SHROOM2: variants seen among roughly 807,000 people sequenced by gnomAD.
SHROOM2 encodes the protein shroom family member 2, also known as protein Shroom2.
Under a neutral mutation model 75.9 loss-of-function variants are expected in SHROOM2, and 33 were observed. The ratio of observed to expected loss-of-function variants is 0.43; its 90% CI spans 0.33 to 0.58. The LOEUF (loss-of-function observed/expected upper bound fraction) is 0.58, where lower values mean the gene tolerates loss of function less well. SHROOM2 is among the 20% of genes least tolerant of loss of function. The pLI, the probability that SHROOM2 is intolerant of heterozygous loss-of-function variation, is 0.04. For missense variants in SHROOM2, 1,434 were observed against 1,461.2 expected, an observed-to-expected ratio of 0.98 and a Z score of 0.30; for synonymous variants, 655 against 663.6, an observed-to-expected ratio of 0.99 and a Z score of 0.20.
rs957792843 is a variant in SHROOM2 at position 9,943,902 on chromosome X, C to T, written c.4312-739C>T. The stretch of plus-strand genomic sequence containing the variant: ...AGCAATTAAAATTTTAATTGCTAGG[C>T]CAGGCCCGGTGGCTCACACCTGTAA... On this transcript the variant is annotated intron_variant, in intron 8 of 9. Transcript: ENST00000380913. Among the ~76,000 whole-genome samples the T allele has an allele frequency of 1.5e-4, 16 of 110,203 alleles. 1 individual carries two copies. Among genetic ancestry groups the T allele is most frequent in the Admixed American group, 2.9e-4 (3 of 10,357 alleles).
At chrX:9,847,304 G>A (rs1287179134) in intron 1 of SHROOM2, among the ~76,000 whole-genome samples, 2 of 112,409 alleles carry the variant, frequency 1.8e-5, no homozygotes, top group African/African-American at 6.5e-5. Flanking sequence ...GCACCAGGCC[G>A]TGCCTGACGG....
intron 1 of SHROOM2, among the ~76,000 whole-genome samples, chrX:9,817,282 CTT>C (rs55943624): frequency 2.2e-3 from 221 of 98,655 alleles, no homozygotes; most frequent in African/African-American, 5.5e-3. Context: ...CTCCCTCTAA[CTT>C]TTTTTTTTTT....
chrX:9,949,210 G>C lies in SHROOM2; in HGVS notation c.*2273G>C, dbSNP rs767292921. 1.8e-5 allele frequency: 5 copies of C among 272,480 alleles called. No individual in the cohort carries two copies. The East Asian group carries it at 5.1e-4, about 28-fold the overall frequency. The allele number at this position is 272,480 out of a possible 1,213,427, so 22.5% of individuals were successfully genotyped here. A position where few individuals can be genotyped will look rare whatever the true frequency, so the allele number is the denominator to read the frequency against. On this transcript the variant is annotated 3_prime_UTR_variant, in exon 10 of 10. Transcript: ENST00000380913. The stretch of plus-strand genomic sequence containing the variant: ...TCTGTATCTAGTTGTATTATTCATA[G>C]AAAATCAATCTGGTGCTAATGGTTG...
chrX:9,890,763 G>A (rs1281101242), intron 2 of SHROOM2, among the ~76,000 whole-genome samples: 2 of 105,590 alleles, frequency 1.9e-5, no homozygotes, highest in Non-Finnish European at 1.9e-5. Context: ...TGCACTGTTC[G>A]TTTGGCACAC....
At chrX:9,823,763 CTT>C (rs1256233985) in intron 1 of SHROOM2, among the ~76,000 whole-genome samples, 1 of 82,026 alleles carries the variant, frequency 1.2e-5, no homozygotes, top group Non-Finnish European at 2.3e-5. Flanking sequence ...TTTCTTTTTT[CTT>C]TTTTTTTTTT....
At chrX:9,893,849 G>A (rs1025102305) in intron 3 of SHROOM2, among the ~76,000 whole-genome samples, 2 of 108,933 alleles carry the variant, frequency 1.8e-5, no homozygotes, top group Non-Finnish European at 3.8e-5. Context: ...AGCTACTCGG[G>A]AGGCTGAGGC....
At chrX:9,913,257 A>G (rs1007479959) in intron 5 of SHROOM2, 10 of 112,801 alleles carry the variant, frequency 8.9e-5, no homozygotes, top group Non-Finnish European at 1.9e-4. Context: ...AAGAAAAAAA[A>G]GCGGCGAAAT....
chrX:9,890,687 G>A (rs954632804), intron 2 of SHROOM2, among the ~76,000 whole-genome samples: 45 of 107,335 alleles, frequency 4.2e-4, no homozygotes, highest in Non-Finnish European at 3.3e-4. Flanking sequence ...CGCTGCGTGC[G>A]GTCCTCGAGC....
In SHROOM2 at chrX:9,894,547, C is replaced by G. The variant is rs751111607; in HGVS notation, c.639C>G (p.Phe213Leu). The G allele has an allele frequency of 1.6e-5, 19 of 1,210,019 alleles. No homozygotes were observed. The South Asian group carries it at 3.3e-4, about 21-fold the overall frequency. ...HSKRDSAYGS[F>L]STSSSTPDHT... ...AGCGCGACTCGGCCTACGGCTCCTTCTCCACCAGCTCTAGCACTCCTGACC... is the reference window on the plus strand; with the variant it reads ...AGCGCGACTCGGCCTACGGCTCCTTGTCCACCAGCTCTAGCACTCCTGACC... The change falls in exon 4 of 10, where the codon TTC becomes TTG. Residue 213 changes from phenylalanine (F) to leucine (L), a missense_variant. Transcript: ENST00000380913.
chrX:9,901,385 T>C (rs2084364878), intron 5 of SHROOM2, among the ~76,000 whole-genome samples: 1 of 112,072 alleles, frequency 8.9e-6, no homozygotes, highest in African/African-American at 3.2e-5. Context: ...GCTTCTCCAT[T>C]CTACCTTTAT....
In SHROOM2 at chrX:9,937,573, A is replaced by C; in HGVS notation, c.4027A>C (p.Thr1343Pro). 8.3e-7 allele frequency: 1 copy of C among 1,211,528 alleles called. No homozygotes were observed. Among genetic ancestry groups the C allele is most frequent in the Non-Finnish European group, 1.1e-6 (1 of 895,338 alleles). ...GGATCCCAGTGTGAAGATCAAAACC[A>C]CTATGGACTTGATGGAAGGCATCTT... Reference protein sequence around the residue: ...ILDPSVKIKTTMDLMEGIFPK... With the variant: ...ILDPSVKIKTPMDLMEGIFPK... The change falls in exon 7 of 10, where the codon ACT (threonine) becomes CCT (proline). Residue 1343 changes from threonine (T) to proline (P), a missense_variant. Thr to Pro is a conservative substitution (Grantham distance 38, BLOSUM62 -1). Transcript: ENST00000380913.
chrX:9,863,601 A>AT (rs1464620495), intron 1 of SHROOM2, among the ~76,000 whole-genome samples: 16 of 31,684 alleles, frequency 5.0e-4, no homozygotes, highest in East Asian at 5.0e-3. Context: ...AGTGTTATTT[A>AT]TTATTTTTTT....
intron 6 of SHROOM2, among the ~76,000 whole-genome samples, chrX:9,934,436 A>G (rs1252004906): frequency 8.9e-6 from 1 of 111,930 alleles, no homozygotes; most frequent in Non-Finnish European, 1.9e-5. Flanking sequence ...GCTTTGCATC[A>G]TTTAAAATGT....
chrX:9,884,371 T>C (rs6530338), intron 2 of SHROOM2, among the ~76,000 whole-genome samples: 56 of 69,803 alleles, frequency 8.0e-4, no homozygotes, highest in South Asian at 2.0e-3. Context: ...TTCTTTTCTT[T>C]TTTTTTTTTT....
intron 6 of SHROOM2, among the ~76,000 whole-genome samples, chrX:9,934,476 T>C (rs1289519732): frequency 2.7e-5 from 3 of 111,347 alleles, no homozygotes; most frequent in South Asian, 3.8e-4. Context: ...ATCCCTTGAA[T>C]TGGTAACATT....
intron 6 of SHROOM2, 91 bp downstream of exon 6, chrX:9,932,961 C>T: frequency 1.3e-6 from 1 of 775,073 alleles, no homozygotes; most frequent in Non-Finnish European, 1.8e-6. Flanking sequence ...CACCTGGGCA[C>T]CTTGCTTTAG....
rs904228264 is a variant in SHROOM2, at chrX:9,948,499, T to C, written c.*1562T>C. On this transcript the variant is annotated 3_prime_UTR_variant, in exon 10 of 10. Coordinates refer to ENST00000380913, the MANE Select transcript of SHROOM2 (RefSeq NM_001649.4). ...GGAGATTTCATTTTGTCAGCAGCAG[T>C]GACCACAGCCTTACCAAAGCAGACG... is the stretch of plus-strand genomic sequence containing the variant. The C allele has an allele frequency of 8.9e-6, 1 of 112,831 alleles. No individual in the cohort carries two copies. Among genetic ancestry groups the C allele is most frequent in the Non-Finnish European group, 1.9e-5 (1 of 53,334 alleles). The allele number at this position is 112,831 out of a possible 1,213,427, so 9.3% of individuals were successfully genotyped here. A position where few individuals can be genotyped will look rare whatever the true frequency, so the allele number is the denominator to read the frequency against.
At chrX:9,815,634 C>T (rs2083817270) in intron 1 of SHROOM2, among the ~76,000 whole-genome samples, 1 of 104,685 alleles carries the variant, frequency 9.6e-6, no homozygotes, top group Non-Finnish European at 1.9e-5. Flanking sequence ...TATTACATCC[C>T]ACAATCACAA....
chrX:9,836,623 C>G (rs1408311513), intron 1 of SHROOM2, among the ~76,000 whole-genome samples: 1 of 107,154 alleles, frequency 9.3e-6, no homozygotes, highest in Non-Finnish European at 1.9e-5. Context: ...GACAGGGTCT[C>G]ACTATATTGA....
Sources: gnomAD v4.1 joint callset for allele counts (sites outside exome capture counted in the v4.1 genomes callset) on GRCh38, gnomAD v4.1.1 for gene constraint, MANE v1.5 for transcripts, NCBI Gene and HGNC (gene_info 2026-07-23, HGNC 2026-07-21) for gene names.